Variants in DIAPH2 observed in about 807,000 individuals in gnomAD.
DIAPH2 encodes diaphanous related formin 2, also known as protein diaphanous homolog 2.
In DIAPH2, 35 loss-of-function variants were observed where a neutral mutation model predicts 92.7. The ratio of observed to expected loss-of-function variants is 0.38; its 90% CI spans 0.29 to 0.50. The LOEUF (loss-of-function observed/expected upper bound fraction) is 0.50. DIAPH2 is among the 20% of genes least tolerant of loss of function. The pLI is 0.94. For missense variants in DIAPH2, 701 were observed against 819.5 expected (o/e 0.86, Z 1.77); for synonymous variants, 301 against 280.4 (o/e 1.07, Z -0.73).
At chrX:97,376,808 A>T (rs1381305362) in intron 24 of DIAPH2, among the ~76,000 whole-genome samples, 1 of 111,999 alleles carries the variant, frequency 8.9e-6, no homozygotes, top group African/African-American at 3.2e-5. Flanking sequence ...CCTACTATAC[A>T]TTTAGACTAT....
intron 17 of DIAPH2, among the ~76,000 whole-genome samples, chrX:97,070,425 G>T (rs980195101): frequency 2.7e-5 from 3 of 111,754 alleles, no homozygotes; most frequent in African/African-American, 9.7e-5. Context: ...TAGGATAAGT[G>T]ACATTTTGAG....
At position 97,601,285 on chromosome X, in the gene DIAPH2, T is replaced by G. The variant is rs1292044887; in HGVS notation, c.*1968T>G. ...ATTTGGGAGCATATGCCTTGCTATA[T>G]TATCAAGCTGGTCAAGGTAGAAATA... On this transcript the variant is annotated 3_prime_UTR_variant, in exon 27 of 27. Transcript: ENST00000324765. 1.8e-5 allele frequency: 2 copies of G among 112,257 alleles called. No homozygotes were observed. Among genetic ancestry groups the G allele is most frequent in the African/African-American group, 3.2e-5 (1 of 30,834 alleles). 9.3% of individuals were successfully genotyped at this position (112,257 alleles called of 1,213,427 possible).
intron 4 of DIAPH2, among the ~76,000 whole-genome samples, chrX:96,842,620 A>G (rs1457901175): frequency 8.9e-6 from 1 of 112,309 alleles, no homozygotes; most frequent in East Asian, 2.8e-4. Flanking sequence ...AGTATTGTCA[A>G]TAACACTGCA....
intron 5 of DIAPH2, among the ~76,000 whole-genome samples, chrX:96,907,524 A>G (rs1238352985): frequency 2.7e-5 from 3 of 112,025 alleles, no homozygotes; most frequent in Non-Finnish European, 5.6e-5. Flanking sequence ...CTTAAGAGTC[A>G]GATATGGATT....
chrX:97,167,100 C>T (rs1392036945), intron 22 of DIAPH2, among the ~76,000 whole-genome samples: 2 of 111,957 alleles, frequency 1.8e-5, no homozygotes, highest in Non-Finnish European at 3.8e-5. Flanking sequence ...TAGCCATTCT[C>T]CTGTCAATGT....
chrX:96,968,336 A>T (rs749664641), intron 17 of DIAPH2, among the ~76,000 whole-genome samples: 72 of 110,970 alleles, frequency 6.5e-4, no homozygotes, highest in African/African-American at 2.0e-3. Flanking sequence ...CTCCTGCCTC[A>T]GACTCCCCAG....
intron 25 of DIAPH2, 55 bp from the exon 26 acceptor site, chrX:97,429,595 C>G: frequency 3.4e-6 from 4 of 1,166,024 alleles, no homozygotes; most frequent in Non-Finnish European, 4.6e-6. Flanking sequence ...CTTTATTTTC[C>G]TGTAGTTTAA....
chrX:97,340,992 T>G (rs1418945738), intron 23 of DIAPH2: 1 of 104,038 alleles, frequency 9.6e-6, no homozygotes, highest in Non-Finnish European at 2.0e-5. Context: ...GTAAGTTTTT[T>G]TTTTTTTTTT....
chrX:97,277,347 AAAAATT>A (rs1252368977), intron 23 of DIAPH2, among the ~76,000 whole-genome samples: 2 of 111,054 alleles, frequency 1.8e-5, no homozygotes. Flanking sequence ...CAAAAAAAGA[AAAAATT>A]AAAAATAAAA....
chrX:97,144,936 T>A (rs2067234325), intron 22 of DIAPH2, among the ~76,000 whole-genome samples: 1 of 111,428 alleles, frequency 9.0e-6, no homozygotes, highest in African/African-American at 3.3e-5. Flanking sequence ...AGCTAATTTT[T>A]GTACTTTTTT....
chrX:96,912,756 C>T (rs774115527), intron 7 of DIAPH2, among the ~76,000 whole-genome samples: 1 of 110,807 alleles, frequency 9.0e-6, no homozygotes, highest in East Asian at 2.8e-4. Flanking sequence ...TAACTCTTTT[C>T]CCTCATCATC....
chrX:97,444,757 TATC>T (rs1440973554), intron 26 of DIAPH2, among the ~76,000 whole-genome samples: 3 of 111,997 alleles, frequency 2.7e-5, no homozygotes, highest in Non-Finnish European at 5.6e-5. Flanking sequence ...TCTATTGTCA[TATC>T]ATCAACCATA....
chrX:96,964,784 G>A (rs767771372), intron 16 of DIAPH2, among the ~76,000 whole-genome samples: 2 of 111,034 alleles, frequency 1.8e-5, no homozygotes, highest in South Asian at 3.9e-4. Flanking sequence ...AAAAAACCCA[G>A]GAACAAGAAG....
intron 26 of DIAPH2, among the ~76,000 whole-genome samples, chrX:97,463,043 G>T (rs1306189871): frequency 2.7e-5 from 3 of 111,042 alleles, no homozygotes; most frequent in Admixed American, 1.9e-4. Context: ...AGAGGCTCAA[G>T]GGAATTCAGG....
chrX:97,582,498 T>C (rs1398553144), intron 26 of DIAPH2, among the ~76,000 whole-genome samples: 4 of 110,896 alleles, frequency 3.6e-5, no homozygotes, highest in Non-Finnish European at 7.5e-5. Flanking sequence ...TGTTGAATAC[T>C]GGCCCCCACT....
intron 1 of DIAPH2, among the ~76,000 whole-genome samples, chrX:96,686,428 C>A (rs745808585): frequency 9.0e-6 from 1 of 111,133 alleles, no homozygotes. Flanking sequence ...AGTAGTAACA[C>A]CTTGATTATA....
At chrX:97,106,748 A>G (rs1267692646) in intron 20 of DIAPH2, among the ~76,000 whole-genome samples, 4 of 110,635 alleles carry the variant, frequency 3.6e-5, no homozygotes, top group Non-Finnish European at 7.6e-5. Context: ...CCTTACCAAC[A>G]TGGTGAAGCC....
chrX:96,754,952 A>G (rs967943522), intron 3 of DIAPH2, among the ~76,000 whole-genome samples: 2 of 102,836 alleles, frequency 1.9e-5, no homozygotes, highest in Admixed American at 1.1e-4. Flanking sequence ...AAAAAAAAAA[A>G]GGAAATAGAT....
At chrX:96,792,143 C>A (rs1461302069) in intron 4 of DIAPH2, among the ~76,000 whole-genome samples, 1 of 111,811 alleles carries the variant, frequency 8.9e-6, no homozygotes, top group African/African-American at 3.3e-5. Flanking sequence ...GAAATATAGA[C>A]CTATCATTCC....
Sources: allele counts gnomAD v4.1 joint callset (sites outside exome capture counted in the v4.1 genomes callset), GRCh38; gene constraint gnomAD v4.1.1; transcripts MANE v1.5; gene names NCBI Gene and HGNC (gene_info 2026-07-23, HGNC 2026-07-21).